CAMSAP3: variants seen among roughly 807,000 people sequenced by gnomAD.
The protein encoded by CAMSAP3 is calmodulin-regulated spectrin-associated protein 3.
CAMSAP3 carries 34 observed loss-of-function variants against 112.5 expected under a neutral mutation model. The ratio of observed to expected loss-of-function variants is 0.30; its 90% CI spans 0.23 to 0.40. The LOEUF is 0.40. Among genes scored for constraint, CAMSAP3 ranks in the 10% least tolerant of loss-of-function variants. The probability of loss-of-function intolerance (pLI) is 1.00; values close to 1 mark genes in which losing one functional copy is unlikely to be tolerated. For synonymous variants in CAMSAP3, 868 were observed against 799.8 expected (o/e 1.09, Z -1.44); for missense variants, 1,602 against 1,770.3 (o/e 0.90, Z 1.71).
chr19:7,598,461 A>G (rs1447442038), intron 1 of CAMSAP3, among the ~76,000 whole-genome samples: 1 of 152,184 alleles, frequency 6.6e-6, no homozygotes, highest in African/African-American at 2.4e-5. Context: ...TCAGGTATGC[A>G]GTGGCCCCGT....
Position 7,611,407 on chromosome 19 carries a change from G to A in CAMSAP3, c.1124-110G>A. On this transcript the variant is annotated intron_variant, in intron 9 of 16. Transcript: ENST00000160298. This position sits in a 1 kb window ranked among gnomAD's most constrained non-coding sequence, Gnocchi z 6.9. ...CTCTGGTCTCACTAGACCACATAAT[G>A]AGCCATCAGTGACTCACCCAATGAC... The A allele has an allele frequency of 9.3e-7, 1 of 1,073,164 alleles. No homozygotes were observed. Among genetic ancestry groups the A allele is most frequent in the East Asian group, 2.6e-5 (1 of 38,532 alleles). The allele number at this position is 1,073,164 out of a possible 1,614,324, so 66.5% of individuals were successfully genotyped here.
At chr19:7,606,892 C>T in intron 4 of CAMSAP3, 1 of 1,492,396 alleles carries the variant, frequency 6.7e-7, no homozygotes, top group Non-Finnish European at 9.3e-7. Context: ...GCCTGCCTGT[C>T]TGCGCGCCCT....
In CAMSAP3 at chr19:7,606,412, G is replaced by A. The variant is rs1472359767; in HGVS notation, c.525+19G>A. The A allele has an allele frequency of 6.2e-7, 1 of 1,613,054 alleles. No individual in the cohort carries two copies. The highest frequency in any genetic ancestry group is 1.3e-5 in the African/African-American group (1 of 75,060). On this transcript the variant is annotated intron_variant, in intron 3 of 16. Coordinates refer to ENST00000160298, the MANE Select transcript of CAMSAP3 (RefSeq NM_020902.2). ...GGACACGGTAGGTGGGGTTGGGCCT[G>A]GGGTGGGTTCGGGGACCAGCATCGT...
Position 7,611,560 on chromosome 19 carries a change from G to A in CAMSAP3, c.1167G>A (p.Leu389=), listed in dbSNP as rs565739966. ...SSPSMSHMEA[L]GKAWNRQLSR... ...CGTCCATGTCCCATATGGAGGCCCTGGGCAAGGCCTGGAACCGGCAGCTCA... is the reference window on the plus strand; with the variant it reads ...CGTCCATGTCCCATATGGAGGCCCTAGGCAAGGCCTGGAACCGGCAGCTCA... Residue 389 remains leucine, a synonymous_variant, in exon 10 of 17, where the codon CTG becomes CTA. Coordinates refer to ENST00000160298, the MANE Select transcript of CAMSAP3 (RefSeq NM_020902.2). The surrounding 1 kb of genome is among the most constrained non-coding windows in gnomAD (Gnocchi z 6.9). 95 of 1,612,620 alleles carry A rather than the reference G, an allele frequency of 5.9e-5. 1 individual carries two copies. The South Asian group carries it at 1.0e-3, about 17-fold the overall frequency.
rs1206725529 is a variant in CAMSAP3, at chr19:7,611,083, C to G, written c.1050-12C>G. The G allele has an allele frequency of 6.2e-7, 1 of 1,613,588 alleles. No homozygotes were observed. Among genetic ancestry groups the G allele is most frequent in the Non-Finnish European group, 8.5e-7 (1 of 1,179,812 alleles). On this transcript the variant is annotated splice_polypyrimidine_tract_variant and intron_variant, in intron 8 of 16. Transcript: ENST00000160298. This position sits in a 1 kb window ranked among gnomAD's most constrained non-coding sequence, Gnocchi z 6.9. Reference sequence around the variant, plus strand: ...TGGGGGTCCTGAGGCTGAAGTACGTCTCTCCGTACAGTTCTCCTGTCTTCA... The same window carrying G: ...TGGGGGTCCTGAGGCTGAAGTACGTGTCTCCGTACAGTTCTCCTGTCTTCA...
Position 7,618,107 on chromosome 19 carries a change from C to T in CAMSAP3, c.*50C>T, listed in dbSNP as rs1599367982. On this transcript the variant is annotated 3_prime_UTR_variant, in exon 17 of 17. Coordinates refer to ENST00000160298, the MANE Select transcript of CAMSAP3 (RefSeq NM_020902.2). ...GGGCCCTGTGTGCTGCGGCCGCCAT[C>T]CCCTGGAGGACAGTCAGTCGGTATT... is the stretch of plus-strand genomic sequence containing the variant. 1.3e-6 allele frequency: 2 copies of T among 1,567,880 alleles called. No homozygotes were observed. Among genetic ancestry groups the T allele is most frequent in the Non-Finnish European group, 1.7e-6 (2 of 1,155,534 alleles).
rs999897695 is a variant in CAMSAP3, at chr19:7,607,618, G to A, written c.622-508G>A. 6.6e-6 allele frequency among the ~76,000 whole-genome samples: 1 copy of A among 152,094 alleles called. No homozygotes were observed. The highest frequency in any genetic ancestry group is 2.4e-5 in the African/African-American group (1 of 41,420). On this transcript the variant is annotated intron_variant, in intron 4 of 16. Transcript: ENST00000160298. This position sits in a 1 kb window ranked among gnomAD's most constrained non-coding sequence, Gnocchi z 4.9. ...GTCTTTTGTGGGAGGAGGATTCCCC[G>A]CATAAGAGGGGGTTCCTACTCTGTG...
At chr19:7,616,429 G>A in intron 13 of CAMSAP3, 94 bp from the exon 14 acceptor site, 2 of 913,568 alleles carry the variant, frequency 2.2e-6, no homozygotes, top group Non-Finnish European at 3.6e-6. Flanking sequence ...GGGCAGGACT[G>A]ACTCCTCCTG....
chr19:7,608,327 C>T, intron 5 of CAMSAP3, 63 bp downstream of exon 5: 1 of 1,555,118 alleles, frequency 6.4e-7, no homozygotes, highest in Non-Finnish European at 8.8e-7. Context: ...GTCCCAGCCC[C>T]TAGACCCTCC....
Position 7,605,374 on chromosome 19 carries a change from C to G in CAMSAP3, c.297C>G (p.Pro99=), listed in dbSNP as rs774824838. 1.9e-6 allele frequency: 3 copies of G among 1,592,084 alleles called. No individual in the cohort carries two copies. In the South Asian group the frequency reaches 3.4e-5, roughly 18 times the overall value. ...RQALPQLETP[P]NPSALLALLA... ...CACTGCCACAGCTTGAAACACCCCCCAACCCCTCTGCACTGCTGGCCCTGC... is the reference window on the plus strand; with the variant it reads ...CACTGCCACAGCTTGAAACACCCCCGAACCCCTCTGCACTGCTGGCCCTGC... Residue 99 remains proline (P), a synonymous_variant, in exon 2 of 17, where the codon CCC becomes CCG. Transcript: ENST00000160298.
intron 11 of CAMSAP3, among the ~76,000 whole-genome samples, chr19:7,614,365 G>A (rs938422182): frequency 7.9e-5 from 8 of 100,982 alleles, no homozygotes; most frequent in African/African-American, 3.0e-4. Context: ...TTTGTTTTTT[G>A]AGACAGAGTC....
chr19:7,613,210 G>A, intron 11 of CAMSAP3, 47 bp downstream of exon 11: 3 of 1,202,632 alleles, frequency 2.5e-6, no homozygotes, highest in Non-Finnish European at 3.3e-6. Context: ...CTGGGGCGGG[G>A]GCGGGTGGGG....
At chr19:7,609,692 A>G (rs189023208) in intron 5 of CAMSAP3, among the ~76,000 whole-genome samples, 19 of 152,296 alleles carry the variant, frequency 1.2e-4, no homozygotes, top group Middle Eastern at 3.4e-3. Flanking sequence ...ACAACTCATC[A>G]TCATGGGGAA....
chr19:7,600,385 G>A (rs1429245815), intron 1 of CAMSAP3, among the ~76,000 whole-genome samples: 2 of 2,720 alleles, frequency 7.4e-4, no homozygotes, highest in East Asian at 0.017. Flanking sequence ...CCGTCCACCC[G>A]CCCACTCATC....
At position 7,617,205 on chromosome 19, in the gene CAMSAP3, C is replaced by T. The variant is rs1034705537; in HGVS notation, c.3213-121C>T. 41 of 741,540 alleles carry T rather than the reference C, an allele frequency of 5.5e-5. No homozygotes were observed. The highest frequency in any genetic ancestry group is 1.4e-4 in the African/African-American group (8 of 57,546). 45.9% of individuals were successfully genotyped at this position (741,540 alleles called of 1,614,324 possible). On this transcript the variant is annotated intron_variant, in intron 14 of 16. Coordinates refer to ENST00000160298, the MANE Select transcript of CAMSAP3 (RefSeq NM_020902.2). This position sits in a 1 kb window ranked among gnomAD's most constrained non-coding sequence, Gnocchi z 7.5. ...GTGCTGGGATTACAGGCATGAGCCA[C>T]GATGCCCAGCCGTGGCCCTTATTTT...
rs1568450035 is a variant in CAMSAP3, at chr19:7,617,310, CCTT to C, written c.3213-13_3213-11del. On this transcript the variant is annotated splice_polypyrimidine_tract_variant and intron_variant, in intron 14 of 16. Coordinates refer to ENST00000160298, the MANE Select transcript of CAMSAP3 (RefSeq NM_020902.2). The surrounding 1 kb of genome is among the most constrained non-coding windows in gnomAD (Gnocchi z 7.5). ...CATCCTGACCCCACCTCCATCCCAT[CCTT>C]CTCCCACTGCAGGGCTCCCTCCCCG... The C allele has an allele frequency of 3.1e-6, 5 of 1,590,588 alleles. No homozygotes were observed. Among genetic ancestry groups the C allele is most frequent in the Middle Eastern group, 3.3e-4 (2 of 5,994 alleles).
At chr19:7,596,378 C>T (rs1043479677) in intron 1 of CAMSAP3, among the ~76,000 whole-genome samples, 47 of 151,018 alleles carry the variant, frequency 3.1e-4, no homozygotes, top group African/African-American at 1.1e-3. Flanking sequence ...GGGGGTGGGG[C>T]CCGCGGCCCA....
Position 7,615,263 on chromosome 19 carries a change from G to C in CAMSAP3, c.2751G>C (p.Ala917=). ...GGCAGCAGCGGCGAGCAGAGGAGGC[G>C]CGGCGGCGCAAGCAGTGGCAGGAGG... is the stretch of plus-strand genomic sequence containing the variant. ...LERQQRRAEE[A]RRRKQWQEVE... Residue 917 remains alanine (A), a synonymous_variant, in exon 12 of 17, where the codon GCG becomes GCC. Coordinates refer to ENST00000160298, the MANE Select transcript of CAMSAP3 (RefSeq NM_020902.2). This position sits in a 1 kb window ranked among gnomAD's most constrained non-coding sequence, Gnocchi z 6.5. 8.4e-6 allele frequency: 13 copies of C among 1,550,142 alleles called. No individual in the cohort carries two copies. Among genetic ancestry groups the C allele is most frequent in the East Asian group, 2.4e-5 (1 of 41,012 alleles).
At chr19:7,614,471 T>C (rs62113423) in intron 11 of CAMSAP3, among the ~76,000 whole-genome samples, 23,468 of 150,704 alleles carry the variant, frequency 0.16, 1,922 homozygotes, top group Admixed American at 0.23. Context: ...CTCACCCTCC[T>C]GAGTAGCTGG....
Sources: allele counts gnomAD v4.1 joint callset (sites outside exome capture counted in the v4.1 genomes callset), GRCh38; gene constraint gnomAD v4.1.1; non-coding constraint Gnocchi (gnomAD v3.1); transcripts MANE v1.5; gene names NCBI Gene and HGNC (gene_info 2026-07-23, HGNC 2026-07-21).